The following ADAM22 variants were observed in gnomAD, a reference collection of about 807,000 sequenced individuals.
The protein encoded by ADAM22 is ADAM metallopeptidase domain 22.
A neutral mutation model predicts 144.6 loss-of-function variants in ADAM22; 65 were observed. That is an observed-to-expected ratio of 0.45 (90% CI 0.37 to 0.55). The LOEUF (loss-of-function observed/expected upper bound fraction) is 0.55, where lower values mean the gene tolerates loss of function less well. ADAM22 is among the 20% of genes least tolerant of loss of function. ADAM22 has a pLI of 0.00. For synonymous variants in ADAM22, 391 were observed against 412.6 expected, an observed-to-expected ratio of 0.95 and a Z score of 0.63; for missense variants, 974 against 1,184.9, an observed-to-expected ratio of 0.82 and a Z score of 2.61.
intron 3 of ADAM22, among the ~76,000 whole-genome samples, chr7:88,009,673 A>G (rs1235111189): frequency 1.3e-5 from 2 of 152,172 alleles, no homozygotes; most frequent in Non-Finnish European, 2.9e-5. Context: ...TGTCTGTGAT[A>G]ATGGAATTCT....
rs367873177 is a variant in ADAM22, at chr7:88,007,188, C to A, written c.323+28776C>A. On this transcript the variant is annotated intron_variant, in intron 3 of 31. Coordinates refer to ENST00000413139, the MANE Select transcript of ADAM22 (RefSeq NM_001324418.2). ...ATGAGATACTTAGGAATCCAACTTA[C>A]AAGGGATGTGAAGGACCTCTTCAAG... Among the ~76,000 whole-genome samples the A allele has an allele frequency of 3.4e-4, 52 of 152,278 alleles. No individual in the cohort carries two copies. In the East Asian group the frequency reaches 3.5e-3, roughly 10 times the overall value.
At chr7:88,108,349 G>C in intron 5 of ADAM22, 91 bp downstream of exon 5, 1 of 999,986 alleles carries the variant, frequency 1.0e-6, no homozygotes, top group Admixed American at 2.7e-5. Flanking sequence ...TCCCTATTTT[G>C]TGTCAAGAAA....
chr7:88,051,405 C>T lies in ADAM22; in HGVS notation c.324-24221C>T, dbSNP rs532886787. ...GATGAGTTCATGTCATTTGTAGGGACATGGATGAAGCTGGAAACCATCATT... is the reference window on the plus strand; with the variant it reads ...GATGAGTTCATGTCATTTGTAGGGATATGGATGAAGCTGGAAACCATCATT... On this transcript the variant is annotated intron_variant, in intron 3 of 31. Coordinates refer to ENST00000413139, the MANE Select transcript of ADAM22 (RefSeq NM_001324418.2). 3.3e-5 allele frequency among the ~76,000 whole-genome samples: 5 copies of T among 152,242 alleles called. No homozygotes were observed. The South Asian group carries it at 1.0e-3, about 32-fold the overall frequency.
At chr7:87,977,043 T>TA (rs1319047424) in intron 2 of ADAM22, among the ~76,000 whole-genome samples, 1 of 151,900 alleles carries the variant, frequency 6.6e-6, no homozygotes, top group African/African-American at 2.4e-5. Flanking sequence ...TGGGGCTGGG[T>TA]ATTAGTTGAG....
In ADAM22 at chr7:88,202,435, C is replaced by T. The variant is rs1005710579; in HGVS notation, c.*5944C>T. The T allele has an allele frequency of 2.0e-5, 3 of 152,180 alleles. No individual in the cohort carries two copies. The highest frequency in any genetic ancestry group is 4.4e-5 in the Non-Finnish European group (3 of 68,030). The allele number at this position is 152,180 out of a possible 1,614,324, so 9.4% of individuals were successfully genotyped here. Reference sequence around the variant, plus strand: ...CACTAGTGTTTTCCACGGTTATCACCTTTGACAGGTGATGTGCATCTATAG... The same window carrying T: ...CACTAGTGTTTTCCACGGTTATCACTTTTGACAGGTGATGTGCATCTATAG... On this transcript the variant is annotated 3_prime_UTR_variant, in exon 32 of 32. Coordinates refer to ENST00000413139, the MANE Select transcript of ADAM22 (RefSeq NM_001324418.2).
In ADAM22 at chr7:88,182,707, G is replaced by A. The variant is rs554702884; in HGVS notation, c.2663+683G>A. ...TTATAATGAAGTAAATAATGTATTT[G>A]TTTTGTTTGTTTCTCCACTTAAGAA... is the stretch of plus-strand genomic sequence containing the variant. On this transcript the variant is annotated intron_variant, in intron 29 of 31. Coordinates refer to ENST00000413139, the MANE Select transcript of ADAM22 (RefSeq NM_001324418.2). 5.9e-5 allele frequency among the ~76,000 whole-genome samples: 9 copies of A among 151,920 alleles called. No individual in the cohort carries two copies. The South Asian group carries it at 1.9e-3, about 32-fold the overall frequency.
At chr7:88,103,349 G>T (rs896526244) in intron 4 of ADAM22, among the ~76,000 whole-genome samples, 2 of 151,820 alleles carry the variant, frequency 1.3e-5, no homozygotes, top group African/African-American at 4.8e-5. Flanking sequence ...TTTCCTTTGA[G>T]ATTTTGCTAT....
At chr7:88,007,398 C>G (rs531176202) in intron 3 of ADAM22, among the ~76,000 whole-genome samples, 1 of 152,314 alleles carries the variant, frequency 6.6e-6, no homozygotes, top group East Asian at 1.9e-4. Flanking sequence ...GAAAAAACTA[C>G]TTTAAAGTTC....
intron 2 of ADAM22, among the ~76,000 whole-genome samples, chr7:87,941,235 T>G (rs887937202): frequency 6.6e-6 from 1 of 152,196 alleles, no homozygotes; most frequent in African/African-American, 2.4e-5. Flanking sequence ...AGGACATAGA[T>G]CTACAGTTTG....
chr7:88,162,097 T>TACACGCACACACACAC (rs1841815633), intron 22 of ADAM22, among the ~76,000 whole-genome samples: 1 of 136,744 alleles, frequency 7.3e-6, no homozygotes, highest in African/African-American at 2.8e-5. Flanking sequence ...AAATGTGTAA[T>TACACGCACACACACAC]ACACACACAC....
At chr7:87,938,512 C>T (rs1024799475) in intron 2 of ADAM22, among the ~76,000 whole-genome samples, 1 of 151,994 alleles carries the variant, frequency 6.6e-6, no homozygotes, top group African/African-American at 2.4e-5. Flanking sequence ...AGCCACCATG[C>T]CTGGCCACCC....
intron 2 of ADAM22, among the ~76,000 whole-genome samples, chr7:87,971,042 A>G (rs1850326594): frequency 1.3e-5 from 2 of 152,098 alleles, no homozygotes; most frequent in Non-Finnish European, 2.9e-5. Context: ...TATCCATGTA[A>G]TTTCTTTTCC....
chr7:88,022,385 A>G (rs1326887977), intron 3 of ADAM22, among the ~76,000 whole-genome samples: 1 of 152,192 alleles, frequency 6.6e-6, no homozygotes, highest in Non-Finnish European at 1.5e-5. Flanking sequence ...TGGTGGACTA[A>G]TATGTGCTAA....
rs1424455023 is a variant in ADAM22 at position 88,165,866 on chromosome 7, G to A, written c.2111G>A (p.Arg704Lys). Residue 704 changes from arginine (R) to lysine (K), a missense_variant, in exon 24 of 32, where the codon AGA (arginine) becomes AAA (lysine). By Grantham distance (26) the Arg-to-Lys change is conservative. Coordinates refer to ENST00000413139, the MANE Select transcript of ADAM22 (RefSeq NM_001324418.2). ...AATGAGCTGAAGTGTGTGTGTAACA[G>A]ACACTGGATAGGTTCTGATTGCAAC... Reference protein sequence around the residue: ...CSNELKCVCNRHWIGSDCNTY... With the variant: ...CSNELKCVCNKHWIGSDCNTY... 6.2e-7 allele frequency: 1 copy of A among 1,611,200 alleles called. No homozygotes were observed. The highest frequency in any genetic ancestry group is 1.3e-5 in the African/African-American group (1 of 74,682).
intron 4 of ADAM22, among the ~76,000 whole-genome samples, chr7:88,092,078 T>A (rs1820012380): frequency 6.6e-6 from 1 of 152,160 alleles, no homozygotes; most frequent in Admixed American, 6.5e-5. Flanking sequence ...ATCATTATAG[T>A]TTGAAATATG....
chr7:88,140,212 CA>C (rs1228828518), intron 14 of ADAM22, among the ~76,000 whole-genome samples: 1 of 152,068 alleles, frequency 6.6e-6, no homozygotes, highest in Non-Finnish European at 1.5e-5. Context: ...ACCCCACTCT[CA>C]ACATTGGGGT....
intron 27 of ADAM22, 147 bp downstream of exon 27, chr7:88,179,276 C>T: frequency 2.3e-6 from 1 of 429,674 alleles, no homozygotes; most frequent in Non-Finnish European, 4.2e-6. Flanking sequence ...CAAACAATAA[C>T]TCTGAATCTA....
At chr7:88,010,109 T>C (rs1795021960) in intron 3 of ADAM22, among the ~76,000 whole-genome samples, 1 of 152,160 alleles carries the variant, frequency 6.6e-6, no homozygotes, top group Non-Finnish European at 1.5e-5. Context: ...GGAACTGTCC[T>C]TGGAAGAGGC....
chr7:87,972,553 T>C (rs1169398435), intron 2 of ADAM22, among the ~76,000 whole-genome samples: 3 of 152,178 alleles, frequency 2.0e-5, no homozygotes, highest in African/African-American at 7.2e-5. Flanking sequence ...AAGCTACCAA[T>C]GACTTTCTTC....
Sources: allele counts gnomAD v4.1 joint callset (sites outside exome capture counted in the v4.1 genomes callset), GRCh38; gene constraint gnomAD v4.1.1; transcripts MANE v1.5; gene names NCBI Gene and HGNC (gene_info 2026-07-23, HGNC 2026-07-21).